The following MICAL3 variants were observed in gnomAD, a reference collection of about 807,000 sequenced individuals.
MICAL3 encodes [F-actin]-monooxygenase MICAL3.
MICAL3 carries 62 observed loss-of-function variants against 207.4 expected under a neutral mutation model. The ratio of observed to expected loss-of-function variants is 0.30; its 90% CI spans 0.24 to 0.37. The LOEUF (loss-of-function observed/expected upper bound fraction) is 0.37. Ranked by LOEUF, MICAL3 falls within the 10% of genes least tolerant of loss-of-function variation. MICAL3 has a pLI of 1.00. For synonymous variants in MICAL3, 1,077 were observed against 1,069.3 expected, an observed-to-expected ratio of 1.01 and a Z score of -0.14; for missense variants, 2,368 against 2,635.6, an observed-to-expected ratio of 0.90 and a Z score of 2.22.
At chr22:17,811,885 T>C (rs962157608) in intron 27 of MICAL3, among the ~76,000 whole-genome samples, 1 of 152,144 alleles carries the variant, frequency 6.6e-6, no homozygotes, top group Non-Finnish European at 1.5e-5. Context: ...GTCAGGACTA[T>C]AGGCGTGTGC....
At chr22:18,018,658 G>A (rs188122747) in intron 1 of MICAL3, among the ~76,000 whole-genome samples, 2 of 152,236 alleles carry the variant, frequency 1.3e-5, no homozygotes, top group East Asian at 1.9e-4. Context: ...GGAGGCGGAG[G>A]TTGTAGTGAG....
chr22:17,912,516 G>A (rs1311684016), intron 1 of MICAL3, among the ~76,000 whole-genome samples: 1 of 152,156 alleles, frequency 6.6e-6, no homozygotes, highest in Non-Finnish European at 1.5e-5. Context: ...TTCCAGTGAT[G>A]TTTTTTAGTT....
intron 28 of MICAL3, among the ~76,000 whole-genome samples, chr22:17,810,386 C>T (rs1406257434): frequency 3.9e-5 from 6 of 151,990 alleles, no homozygotes; most frequent in Admixed American, 3.3e-4. Flanking sequence ...TTAGTAGAGA[C>T]GGGGTTTTGC....
chr22:17,828,457 G>T (rs1922445995), intron 21 of MICAL3, among the ~76,000 whole-genome samples: 1 of 152,238 alleles, frequency 6.6e-6, no homozygotes, highest in Non-Finnish European at 1.5e-5. Flanking sequence ...TGGGTCTGAG[G>T]CAAGGACACG....
At chr22:17,912,841 G>A (rs1305148382) in intron 1 of MICAL3, among the ~76,000 whole-genome samples, 4 of 152,130 alleles carry the variant, frequency 2.6e-5, no homozygotes, top group African/African-American at 9.7e-5. Context: ...TAACTGCTCT[G>A]GATAGAACTT....
At chr22:17,934,646 T>G (rs1933430502) in intron 1 of MICAL3, among the ~76,000 whole-genome samples, 1 of 152,116 alleles carries the variant, frequency 6.6e-6, no homozygotes, top group African/African-American at 2.4e-5. Flanking sequence ...GGTATTCAAT[T>G]AGGAAAAGAG....
At chr22:17,870,021 A>G (rs554655984) in intron 17 of MICAL3, among the ~76,000 whole-genome samples, 1 of 152,302 alleles carries the variant, frequency 6.6e-6, no homozygotes, top group East Asian at 1.9e-4. Context: ...CGGTGCCCCT[A>G]AAGTTCCTTC....
At chr22:18,013,800 C>G (rs561561045) in intron 1 of MICAL3, among the ~76,000 whole-genome samples, 2 of 152,240 alleles carry the variant, frequency 1.3e-5, no homozygotes, top group African/African-American at 4.8e-5. Context: ...CTCCCTCCCC[C>G]TCTATTTTTT....
At chr22:17,872,825 C>G in intron 16 of MICAL3, 1 of 1,612,440 alleles carries the variant, frequency 6.2e-7, no homozygotes, top group Middle Eastern at 1.7e-4. Context: ...CCAATGAGCT[C>G]ACTCCGCCCG....
chr22:17,909,189 T>A (rs924060190), intron 1 of MICAL3, among the ~76,000 whole-genome samples: 6 of 152,202 alleles, frequency 3.9e-5, no homozygotes, highest in African/African-American at 1.4e-4. Context: ...GCCTCAAATA[T>A]ATCACGTACT....
At chr22:18,002,076 T>TCAG (rs199842586) in intron 1 of MICAL3, among the ~76,000 whole-genome samples, 2,405 of 152,264 alleles carry the variant, frequency 0.016, 21 homozygotes, top group Middle Eastern at 0.037. Flanking sequence ...CACGGGCCTG[T>TCAG]AGTCCCAGCT....
chr22:17,984,997 G>A (rs1359515345), intron 1 of MICAL3, among the ~76,000 whole-genome samples: 2 of 152,166 alleles, frequency 1.3e-5, no homozygotes, highest in African/African-American at 4.8e-5. Context: ...AAAATGGAGA[G>A]TAAAGCAGAG....
chr22:17,805,325 G>C (rs1030265553), intron 29 of MICAL3, among the ~76,000 whole-genome samples: 2 of 151,974 alleles, frequency 1.3e-5, no homozygotes, highest in African/African-American at 2.4e-5. Context: ...TTCAGAGACG[G>C]CATCGGCCAA....
At chr22:17,812,380 G>T in intron 27 of MICAL3, 1 of 269,114 alleles carries the variant, frequency 3.7e-6, no homozygotes, top group Non-Finnish European at 5.7e-6. Flanking sequence ...CTGCCAGTGT[G>T]TGCCACAGCC....
chr22:17,819,245 C>G (rs1921278137), intron 25 of MICAL3, 116 bp from the exon 26 acceptor site: 1 of 1,076,196 alleles, frequency 9.3e-7, no homozygotes, highest in Non-Finnish European at 1.2e-6. Context: ...CAGGACTTCC[C>G]CGTCCTTCCA....
chr22:17,960,642 G>T (rs1225669931), intron 1 of MICAL3, among the ~76,000 whole-genome samples: 1 of 152,144 alleles, frequency 6.6e-6, no homozygotes, highest in Non-Finnish European at 1.5e-5. Flanking sequence ...GATCCTGTGG[G>T]TGTGAGACTG....
At chr22:17,971,731 G>A (rs1935421675) in intron 1 of MICAL3, among the ~76,000 whole-genome samples, 1 of 152,234 alleles carries the variant, frequency 6.6e-6, no homozygotes. Flanking sequence ...CTTACACACT[G>A]TGAGAAAAAG....
chr22:17,835,147 G>A (rs970725490), intron 20 of MICAL3, among the ~76,000 whole-genome samples: 1 of 152,154 alleles, frequency 6.6e-6, no homozygotes, highest in African/African-American at 2.4e-5. Context: ...CAGCCGTGTC[G>A]CACCAGCTGG....
At chr22:17,944,889 GT>G (rs1237584302) in intron 1 of MICAL3, among the ~76,000 whole-genome samples, 1 of 151,978 alleles carries the variant, frequency 6.6e-6, no homozygotes, top group East Asian at 1.9e-4. Context: ...GGGGACCGCT[GT>G]ACTATTCACT....
Sources: gnomAD v4.1 joint callset for allele counts (sites outside exome capture counted in the v4.1 genomes callset) on GRCh38, gnomAD v4.1.1 for gene constraint, MANE v1.5 for transcripts, NCBI Gene and HGNC (gene_info 2026-07-23, HGNC 2026-07-21) for gene names.